Variants in CADM1 observed in about 807,000 individuals in gnomAD.
The protein encoded by CADM1 is TSLC-1.
Under a neutral mutation model 53.1 loss-of-function variants are expected in CADM1, and 15 were observed. The observed-to-expected ratio is 0.28, with a 90% CI of 0.19 to 0.44. The LOEUF is 0.44. Ranked by LOEUF, CADM1 falls within the 20% of genes least tolerant of loss-of-function variation. The pLI, the probability that CADM1 is intolerant of heterozygous loss-of-function variation, is 1.00. For missense variants in CADM1, 434 were observed against 611.3 expected (o/e 0.71, Z 3.06); for synonymous variants, 281 against 243.0 (o/e 1.16, Z -1.45).
At chr11:115,203,002 T>C (rs1013724111) in intron 8 of CADM1, among the ~76,000 whole-genome samples, 1 of 152,134 alleles carries the variant, frequency 6.6e-6, no homozygotes, top group African/African-American at 2.4e-5. Flanking sequence ...TCCCCTGTCT[T>C]AGGGATGGGA....
At chr11:115,397,334 A>G (rs1381158695) in intron 1 of CADM1, 1 of 152,174 alleles carries the variant, frequency 6.6e-6, no homozygotes, top group Non-Finnish European at 1.5e-5. Flanking sequence ...GAGCCAACAT[A>G]TCAGGAGAAT....
chr11:115,252,356 ACT>A (rs972778031), intron 1 of CADM1, among the ~76,000 whole-genome samples: 2 of 152,008 alleles, frequency 1.3e-5, no homozygotes, highest in South Asian at 2.1e-4. Flanking sequence ...CCATCTATGC[ACT>A]CTCTGTCTAT....
chr11:115,350,343 G>C (rs544030500), intron 1 of CADM1, among the ~76,000 whole-genome samples: 5 of 152,154 alleles, frequency 3.3e-5, no homozygotes, highest in Admixed American at 3.3e-4. Flanking sequence ...TTGGTCAAAA[G>C]GGTGATTCAG....
chr11:115,406,672 C>A (rs907252422), intron 1 of CADM1, among the ~76,000 whole-genome samples: 15 of 150,460 alleles, frequency 1.0e-4, no homozygotes, highest in South Asian at 2.1e-4. Context: ...TATGGCCAGG[C>A]GCTGTGGCTC....
intron 1 of CADM1, among the ~76,000 whole-genome samples, chr11:115,402,108 T>C (rs1342230331): frequency 2.0e-5 from 3 of 152,174 alleles, no homozygotes; most frequent in African/African-American, 4.8e-5. Context: ...ATGTATTTTA[T>C]AAAAACCCTT....
intron 5 of CADM1, among the ~76,000 whole-genome samples, chr11:115,224,859 C>G (rs1941544174): frequency 6.6e-6 from 1 of 152,116 alleles, no homozygotes; most frequent in Non-Finnish European, 1.5e-5. Context: ...CTCTACTAAC[C>G]GTGCTACAAT....
At chr11:115,349,521 C>T (rs1344085162) in intron 1 of CADM1, among the ~76,000 whole-genome samples, 1 of 152,168 alleles carries the variant, frequency 6.6e-6, no homozygotes, top group Non-Finnish European at 1.5e-5. Flanking sequence ...ATAACCTCCA[C>T]TGCCTCAGCT....
chr11:115,328,434 A>G (rs1245399984), intron 1 of CADM1, among the ~76,000 whole-genome samples: 1 of 151,758 alleles, frequency 6.6e-6, no homozygotes, highest in Non-Finnish European at 1.5e-5. Context: ...CCAAGTGTAT[A>G]GCTAGTTAAG....
chr11:115,294,523 C>A (rs561066704), intron 1 of CADM1, among the ~76,000 whole-genome samples: 1 of 152,314 alleles, frequency 6.6e-6, no homozygotes, highest in Non-Finnish European at 1.5e-5. Context: ...TTGGGAAGGG[C>A]CTTCCTCTTC....
chr11:115,462,471 G>A (rs922308354), intron 1 of CADM1, among the ~76,000 whole-genome samples: 1 of 152,078 alleles, frequency 6.6e-6, no homozygotes, highest in African/African-American at 2.4e-5. Flanking sequence ...GCAGGCCACC[G>A]TGACCTGTGC....
At chr11:115,454,065 C>G (rs537925502) in intron 1 of CADM1, among the ~76,000 whole-genome samples, 1 of 148,334 alleles carries the variant, frequency 6.7e-6, no homozygotes, top group African/African-American at 2.5e-5. Flanking sequence ...AAAAATAAAA[C>G]AAAACAAAAA....
intron 1 of CADM1, among the ~76,000 whole-genome samples, chr11:115,430,192 T>C (rs1366665423): frequency 1.3e-5 from 2 of 152,222 alleles, no homozygotes; most frequent in African/African-American, 2.4e-5. Flanking sequence ...GCATGACTTA[T>C]TCATAAGGCT....
intron 1 of CADM1, among the ~76,000 whole-genome samples, chr11:115,474,704 G>C (rs56125359): frequency 0.013 from 1,650 of 129,164 alleles, 22 homozygotes; most frequent in Admixed American, 0.019. Flanking sequence ...GTCGTGGGGT[G>C]GGGGGAGGGG....
Position 115,413,280 on chromosome 11 carries a change from A to G in CADM1, c.124+90991T>C, listed in dbSNP as rs149167822. ...GTTTTTCCTTCAACAAATATTTCTG[A>G]GATTATTACTTCGTTGACAACAACA... On this transcript the variant is annotated intron_variant, in intron 1 of 11. Coordinates refer to ENST00000331581, the MANE Select transcript of CADM1 (RefSeq NM_001301043.2). Among the ~76,000 whole-genome samples the G allele has an allele frequency of 6.4e-3, 968 of 152,326 alleles. 14 individuals carry two copies. The highest frequency in any genetic ancestry group is 0.021 in the African/African-American group (893 of 41,574).
At chr11:115,387,569 T>C (rs1369438568) in intron 1 of CADM1, among the ~76,000 whole-genome samples, 1 of 152,138 alleles carries the variant, frequency 6.6e-6, no homozygotes, top group Non-Finnish European at 1.5e-5. Flanking sequence ...AGTAGGTCTT[T>C]TTCTGTAGTA....
Position 115,504,362 on chromosome 11 carries a change from C to G in CADM1, c.33G>C (p.Gln11His), listed in dbSNP as rs1350760400. 1 of 1,548,238 alleles carries G rather than the reference C, an allele frequency of 6.5e-7. No homozygotes were observed. Among genetic ancestry groups the G allele is most frequent in the African/African-American group, 1.4e-5 (1 of 73,010 alleles). Residue 11 changes from glutamine (Q) to histidine (H), a missense_variant, in exon 1 of 12, where the codon CAG becomes CAC. By Grantham distance (24) the Gln-to-His change is conservative. This residue lies in a region of CADM1 where 76 missense variants were observed against 59.8 expected (regional missense o/e 1.27). Coordinates refer to ENST00000331581, the MANE Select transcript of CADM1 (RefSeq NM_001301043.2). ...CCGCCGCCGCCGCTGCCGCCGCACACTGGGATCCGCTCGGCAGCACTACAC... is the reference window on the plus strand; with the variant it reads ...CCGCCGCCGCCGCTGCCGCCGCACAGTGGGATCCGCTCGGCAGCACTACAC... MASVVLPSGS[Q>H]CAAAAAAAAP...
intron 7 of CADM1, among the ~76,000 whole-genome samples, chr11:115,211,062 C>T (rs571783433): frequency 9.2e-5 from 14 of 152,256 alleles, no homozygotes; most frequent in Admixed American, 3.3e-4. Context: ...TCATTCTCCT[C>T]CAAGAGGTAA....
intron 1 of CADM1, among the ~76,000 whole-genome samples, chr11:115,361,487 G>A (rs919695462): frequency 6.6e-6 from 1 of 152,154 alleles, no homozygotes; most frequent in Non-Finnish European, 1.5e-5. Flanking sequence ...TGAGTGACTT[G>A]TATTTTGTTG....
chr11:115,239,127 TG>T, intron 2 of CADM1, among the ~76,000 whole-genome samples: 1 of 152,012 alleles, frequency 6.6e-6, no homozygotes, highest in Non-Finnish European at 1.5e-5. Context: ...CCTCAAAAAT[TG>T]TAAGTAAGGC....
Sources: allele counts gnomAD v4.1 joint callset (sites outside exome capture counted in the v4.1 genomes callset), GRCh38; gene constraint gnomAD v4.1.1; regional missense constraint gnomAD v4.1.1; transcripts MANE v1.5; gene names NCBI Gene and HGNC (gene_info 2026-07-23, HGNC 2026-07-21).